The following KCNIP1 variants were observed in gnomAD, a reference collection of about 807,000 sequenced individuals.
KCNIP1 encodes A-type potassium channel modulatory protein KCNIP1.
KCNIP1 carries 18 observed loss-of-function variants against 33.0 expected under a neutral mutation model. The observed-to-expected ratio is 0.55, with a 90% CI of 0.38 to 0.81. The LOEUF is 0.81. KCNIP1 is among the 30% of genes least tolerant of loss of function. KCNIP1 has a pLI of 0.00. For missense variants in KCNIP1, 238 were observed against 271.6 expected, an observed-to-expected ratio of 0.88 and a Z score of 0.87; for synonymous variants, 93 against 98.3, an observed-to-expected ratio of 0.95 and a Z score of 0.32.
chr5:170,668,458 C>T (rs529774862), intron 1 of KCNIP1, among the ~76,000 whole-genome samples: 16 of 152,326 alleles, frequency 1.1e-4, no homozygotes, highest in African/African-American at 3.8e-4. Context: ...AGCCTCCTCC[C>T]CTGTTGATGA....
intron 1 of KCNIP1, among the ~76,000 whole-genome samples, chr5:170,497,171 GTGAA>G (rs1449395419): frequency 6.6e-6 from 1 of 152,190 alleles, no homozygotes; most frequent in Non-Finnish European, 1.5e-5. Context: ...AAAGTTGTGA[GTGAA>G]TGAATGAATG....
At chr5:170,623,012 T>TA (rs1358695162) in intron 1 of KCNIP1, among the ~76,000 whole-genome samples, 3 of 152,190 alleles carry the variant, frequency 2.0e-5, no homozygotes, top group Non-Finnish European at 4.4e-5. Flanking sequence ...TAGATTCTCA[T>TA]AAGGAGTGAG....
At chr5:170,725,245 T>A (rs921845184) in intron 5 of KCNIP1, among the ~76,000 whole-genome samples, 6 of 152,204 alleles carry the variant, frequency 3.9e-5, no homozygotes, top group African/African-American at 1.4e-4. Context: ...TGCAGATCTG[T>A]TCATAATAGC....
intron 1 of KCNIP1, among the ~76,000 whole-genome samples, chr5:170,598,605 A>G (rs549915694): frequency 6.0e-4 from 91 of 152,344 alleles, no homozygotes; most frequent in African/African-American, 2.0e-3. Flanking sequence ...AGAGAGGCTC[A>G]GGAAACTTTT....
chr5:170,639,811 A>T (rs1760466462), intron 1 of KCNIP1, among the ~76,000 whole-genome samples: 1 of 152,188 alleles, frequency 6.6e-6, no homozygotes, highest in Admixed American at 6.5e-5. Flanking sequence ...ACTCAGTTGG[A>T]TGCGGTTCAG....
intron 1 of KCNIP1, chr5:170,375,336 C>T (rs1020934192): frequency 1.3e-5 from 2 of 152,226 alleles, no homozygotes; most frequent in African/African-American, 4.8e-5. Context: ...TGATGAGCTG[C>T]CTGCCTTTGG....
At chr5:170,390,926 C>T (rs962448369) in intron 1 of KCNIP1, among the ~76,000 whole-genome samples, 7 of 152,214 alleles carry the variant, frequency 4.6e-5, no homozygotes, top group East Asian at 1.9e-4. Flanking sequence ...CTCCAGCAGG[C>T]GCGAAATGAA....
chr5:170,680,991 G>A, intron 1 of KCNIP1: 1 of 399,112 alleles, frequency 2.5e-6, no homozygotes, highest in East Asian at 3.6e-5. Context: ...AGAACAGCAG[G>A]AAGGGAGGCT....
chr5:170,573,926 CTCTG>C (rs80063720), intron 1 of KCNIP1, among the ~76,000 whole-genome samples: 7,796 of 152,242 alleles, frequency 0.051, 208 homozygotes, highest in South Asian at 0.079. Flanking sequence ...GAGTTGGGTA[CTCTG>C]TCTGTTGTGG....
intron 1 of KCNIP1, among the ~76,000 whole-genome samples, chr5:170,451,798 G>A (rs1177015491): frequency 6.8e-6 from 1 of 147,412 alleles, no homozygotes; most frequent in Non-Finnish European, 1.5e-5. Context: ...AAGCTTTGCT[G>A]TCCTGGGTGT....
intron 1 of KCNIP1, among the ~76,000 whole-genome samples, chr5:170,557,094 C>G (rs1431492919): frequency 6.6e-6 from 1 of 152,202 alleles, no homozygotes; most frequent in African/African-American, 2.4e-5. Context: ...CTCCCATGCT[C>G]CAGTCCCAGC....
intron 1 of KCNIP1, among the ~76,000 whole-genome samples, chr5:170,546,140 C>T (rs1756400183): frequency 6.6e-6 from 1 of 152,226 alleles, no homozygotes; most frequent in Non-Finnish European, 1.5e-5. Context: ...GGCTGGGAGC[C>T]TAGCTAGTCT....
intron 1 of KCNIP1, among the ~76,000 whole-genome samples, chr5:170,469,824 T>A (rs1756684070): frequency 6.6e-6 from 1 of 152,256 alleles, no homozygotes; most frequent in Non-Finnish European, 1.5e-5. Flanking sequence ...GGTGCAAGTT[T>A]TCTGATGACC....
intron 1 of KCNIP1, among the ~76,000 whole-genome samples, chr5:170,717,696 C>T (rs1221505872): frequency 6.6e-6 from 1 of 152,218 alleles, no homozygotes; most frequent in East Asian, 1.9e-4. Flanking sequence ...CAATTTAATA[C>T]ACCTGCTCAC....
chr5:170,657,687 A>G (rs1355252843), intron 1 of KCNIP1, among the ~76,000 whole-genome samples: 1 of 152,216 alleles, frequency 6.6e-6, no homozygotes, highest in African/African-American at 2.4e-5. Context: ...AAAAAGAGTG[A>G]GACAGACTTT....
At chr5:170,361,997 G>A (rs558181407) in intron 1 of KCNIP1, among the ~76,000 whole-genome samples, 6 of 152,332 alleles carry the variant, frequency 3.9e-5, no homozygotes, top group African/African-American at 1.4e-4. Flanking sequence ...CTAAAATGAA[G>A]GAGCTGCTGA....
chr5:170,586,945 T>A (rs1758010239), intron 1 of KCNIP1, among the ~76,000 whole-genome samples: 1 of 152,190 alleles, frequency 6.6e-6, no homozygotes, highest in South Asian at 2.1e-4. Flanking sequence ...TCTGTCCTCA[T>A]GGAGCTCACA....
chr5:170,598,853 C>G (rs1392120948), intron 1 of KCNIP1, among the ~76,000 whole-genome samples: 2 of 151,802 alleles, frequency 1.3e-5, no homozygotes, highest in Admixed American at 6.6e-5. Context: ...CAAACAGGCC[C>G]TGAGGCCATC....
At chr5:170,583,956 C>A (rs1757891616) in intron 1 of KCNIP1, among the ~76,000 whole-genome samples, 1 of 152,136 alleles carries the variant, frequency 6.6e-6, no homozygotes. Context: ...TATTTTAACA[C>A]TGAGGATATG....
Sources: allele counts gnomAD v4.1 joint callset (sites outside exome capture counted in the v4.1 genomes callset), GRCh38; gene constraint gnomAD v4.1.1; transcripts MANE v1.5; gene names NCBI Gene and HGNC (gene_info 2026-07-23, HGNC 2026-07-21).